The following CUL2 variants were observed in gnomAD, a reference collection of about 807,000 sequenced individuals.
CUL2 encodes the protein cullin-2.
Under a neutral mutation model 110.2 loss-of-function variants are expected in CUL2, and 22 were observed. That is an observed-to-expected ratio of 0.20 (90% CI 0.14 to 0.28). The LOEUF is 0.28. Among genes scored for constraint, CUL2 ranks in the 10% least tolerant of loss-of-function variants. The pLI, the probability that CUL2 is intolerant of heterozygous loss-of-function variation, is 1.00. For synonymous variants in CUL2, 279 were observed against 293.2 expected (o/e 0.95, Z 0.49); for missense variants, 631 against 905.5 (o/e 0.70, Z 3.89).
chr10:35,023,629 A>G (rs1297160593), intron 17 of CUL2, among the ~76,000 whole-genome samples: 1 of 152,228 alleles, frequency 6.6e-6, no homozygotes, highest in Admixed American at 6.5e-5. Flanking sequence ...AAATTACTTT[A>G]GGAGACACAT....
In CUL2 at chr10:35,085,002, C is replaced by T. The variant is rs995720387; in HGVS notation, c.-23+5177G>A. On this transcript the variant is annotated intron_variant, in intron 1 of 20. Transcript: ENST00000374749. The stretch of plus-strand genomic sequence containing the variant: ...GGGGGTGGTGGTGGGCGCCTGTAAT[C>T]CCAGTTACTTGGGAAGCTGAGGCAG... 1.6e-4 allele frequency among the ~76,000 whole-genome samples: 25 copies of T among 151,748 alleles called. 1 individual carries two copies. The highest frequency in any genetic ancestry group is 1.6e-4 in the Non-Finnish European group (11 of 67,972).
At chr10:35,072,455 A>G (rs976443570) in intron 1 of CUL2, among the ~76,000 whole-genome samples, 2 of 150,250 alleles carry the variant, frequency 1.3e-5, no homozygotes, top group African/African-American at 4.9e-5. Flanking sequence ...TGCAACCTTC[A>G]CCTCCCAGGT....
chr10:35,026,832 T>A (rs2085347493), intron 16 of CUL2, among the ~76,000 whole-genome samples: 1 of 152,136 alleles, frequency 6.6e-6, no homozygotes, highest in South Asian at 2.1e-4. Context: ...TTTTATTTTT[T>A]TAAATTTTAT....
In CUL2 at chr10:35,061,945, C is replaced by T. The variant is rs373466019; in HGVS notation, c.223-977G>A. On this transcript the variant is annotated intron_variant, in intron 3 of 20. Coordinates refer to ENST00000374749, the MANE Select transcript of CUL2 (RefSeq NM_003591.4). ...TTAAAAAAGTATCTACTCCTGACCA[C>T]GTGCAGGGTTAGACAGTTTAAATAA... 7.2e-5 allele frequency among the ~76,000 whole-genome samples: 11 copies of T among 152,156 alleles called. No homozygotes were observed. In the East Asian group the frequency reaches 1.7e-3, roughly 24 times the overall value.
intron 3 of CUL2, among the ~76,000 whole-genome samples, chr10:35,062,563 A>T (rs1018824432): frequency 3.3e-4 from 50 of 152,200 alleles, no homozygotes; most frequent in African/African-American, 1.2e-3. Context: ...ATATATTTTT[A>T]AAATGCTGAT....
chr10:35,052,373 G>A (rs2148483), intron 5 of CUL2, among the ~76,000 whole-genome samples: 20,591 of 152,128 alleles, frequency 0.14, 1,587 homozygotes, highest in South Asian at 0.2. Context: ...GCAGAGCTGC[G>A]AAACTTCAGG....
At chr10:35,062,799 T>C (rs1191114366) in intron 3 of CUL2, among the ~76,000 whole-genome samples, 161 bp downstream of exon 3, 1 of 151,956 alleles carries the variant, frequency 6.6e-6, no homozygotes, top group Non-Finnish European at 1.5e-5. Flanking sequence ...ATCGCGCCAC[T>C]GCACCCTAGC....
chr10:35,066,079 CTTATTT>C (rs1473309922), intron 2 of CUL2, among the ~76,000 whole-genome samples: 2 of 152,174 alleles, frequency 1.3e-5, no homozygotes, highest in African/African-American at 4.8e-5. Context: ...AGCAAAGTTA[CTTATTT>C]TATTTCATGT....
At chr10:35,078,295 A>ATT (rs201741916) in intron 1 of CUL2, among the ~76,000 whole-genome samples, 8 of 142,220 alleles carry the variant, frequency 5.6e-5, no homozygotes, top group Admixed American at 2.1e-4. Flanking sequence ...GATCAGGTGA[A>ATT]TTTTTTTTTT....
In CUL2 at chr10:35,031,516, A is replaced by C; in HGVS notation, c.1274T>G (p.Ile425Ser). 2 of 1,614,154 alleles carry C rather than the reference A, an allele frequency of 1.2e-6. No homozygotes were observed. Among genetic ancestry groups the C allele is most frequent in the Non-Finnish European group, 8.5e-7 (1 of 1,180,008 alleles). Residue 425 changes from isoleucine (I) to serine (S), a missense_variant, in exon 13 of 21, where the codon ATT becomes AGT. Ile to Ser is a moderately radical substitution (Grantham distance 142). Coordinates refer to ENST00000374749, the MANE Select transcript of CUL2 (RefSeq NM_003591.4). This position sits in a 1 kb window ranked among gnomAD's most constrained non-coding sequence, Gnocchi z 4.4. ...LTSFITVFKY[I>S]DDKDVFQKFY... ...CTTTTGAAAGACGTCCTTGTCATCA[A>C]TGTATTTGAACACTGTGATGAAGCT...
At chr10:35,120,772 C>T (rs1208139066) in intron 1 of CUL2, among the ~76,000 whole-genome samples, 1 of 151,764 alleles carries the variant, frequency 6.6e-6, no homozygotes, top group Non-Finnish European at 1.5e-5. Context: ...GATGCACACC[C>T]GTAGTCCCAG....
At position 35,055,355 on chromosome 10, in the gene CUL2, A is replaced by T. The variant is rs563373561; in HGVS notation, c.318-816T>A. ...ACACTTTTCAAAATTCACTACACCAAAATGAAGGGTCCACTCAGCATTTAC... is the reference window on the plus strand; with the variant it reads ...ACACTTTTCAAAATTCACTACACCATAATGAAGGGTCCACTCAGCATTTAC... On this transcript the variant is annotated intron_variant, in intron 4 of 20. Transcript: ENST00000374749. 6.6e-5 allele frequency among the ~76,000 whole-genome samples: 10 copies of T among 152,372 alleles called. No individual in the cohort carries two copies. The East Asian group carries it at 1.9e-3, about 29-fold the overall frequency.
intron 14 of CUL2, among the ~76,000 whole-genome samples, chr10:35,030,172 T>C (rs2085445501): frequency 6.6e-6 from 1 of 152,194 alleles, no homozygotes; most frequent in South Asian, 2.1e-4. Context: ...TTACAGATAG[T>C]ATCAAATGAA....
chr10:35,046,483 A>C (rs1424070939), intron 6 of CUL2, among the ~76,000 whole-genome samples: 1 of 152,238 alleles, frequency 6.6e-6, no homozygotes, highest in Non-Finnish European at 1.5e-5. Context: ...CACTAGGAGA[A>C]GAGTTTAATA....
Position 35,125,260 on chromosome 10 carries a change from A to C in CUL2, c.-51+1345T>G, listed in dbSNP as rs182439022. On this transcript the variant is annotated intron_variant, in intron 1 of 5. Coordinates refer to the CUL2 transcript ENST00000685421. The stretch of plus-strand genomic sequence containing the variant: ...TTGTAAGTATGTGTATCTCACCTCC[A>C]GTATTGATCTTTGTAAAAAAACAGA... 6.0e-3 allele frequency among the ~76,000 whole-genome samples: 921 copies of C among 152,332 alleles called. 11 individuals are homozygous for C. Among genetic ancestry groups the C allele is most frequent in the African/African-American group, 0.021 (873 of 41,570 alleles).
chr10:35,107,881 CAAAAAAAAAAAAAAAAAA>C (rs56140666), intron 1 of CUL2, among the ~76,000 whole-genome samples: 1 of 42,102 alleles, frequency 2.4e-5, no homozygotes, highest in Non-Finnish European at 3.9e-5. Context: ...GACTCCATCT[CAAAAAAAAAAAAAAAAAA>C]AAAAAAAAAA....
At chr10:35,064,513 T>C (rs1564733341) in intron 2 of CUL2, among the ~76,000 whole-genome samples, 1 of 152,210 alleles carries the variant, frequency 6.6e-6, no homozygotes, top group Non-Finnish European at 1.5e-5. Context: ...CTCCCAGGCA[T>C]GGTTCCTAGC....
In CUL2 at chr10:35,054,629, T is replaced by G. The variant is rs538786723; in HGVS notation, c.318-90A>C. ...AACTTTAGAAGAATATTTTTAAGAT[T>G]ACATATAAGCCATGGAATAGCCTAC... On this transcript the variant is annotated intron_variant, in intron 4 of 20. Coordinates refer to ENST00000374749, the MANE Select transcript of CUL2 (RefSeq NM_003591.4). 27 of 640,946 alleles carry G rather than the reference T, an allele frequency of 4.2e-5. No homozygotes were observed. In the East Asian group the frequency reaches 7.8e-4, roughly 18 times the overall value. The allele number at this position is 640,946 out of a possible 1,614,324, so 39.7% of individuals were successfully genotyped here. A position where few individuals can be genotyped will look rare whatever the true frequency, so the allele number is the denominator to read the frequency against.
intron 16 of CUL2, among the ~76,000 whole-genome samples, chr10:35,027,656 G>A (rs1451502771): frequency 6.6e-6 from 1 of 152,102 alleles, no homozygotes; most frequent in Admixed American, 6.5e-5. Context: ...ACTAAGGCAG[G>A]ATGGATTAAT....
Sources: allele counts gnomAD v4.1 joint callset (sites outside exome capture counted in the v4.1 genomes callset), GRCh38; gene constraint gnomAD v4.1.1; non-coding constraint Gnocchi (gnomAD v3.1); transcripts MANE v1.5; gene names NCBI Gene and HGNC (gene_info 2026-07-23, HGNC 2026-07-21).